The following BANF2 variants were observed in gnomAD, a reference collection of about 807,000 sequenced individuals.
BANF2 encodes barrier-to-autointegration factor-like protein.
BANF2 carries 4 observed loss-of-function variants against 8.0 expected under a neutral mutation model. The ratio of observed to expected loss-of-function variants is 0.50; its 90% CI spans 0.25 to 1.14. The LOEUF (loss-of-function observed/expected upper bound fraction) is 1.14, where lower values mean the gene tolerates loss of function less well. BANF2 is among the 50% of genes most tolerant of loss of function. BANF2 has a pLI of 0.16. For missense variants in BANF2, 96 were observed against 107.5 expected, an observed-to-expected ratio of 0.89 and a Z score of 0.47; for synonymous variants, 50 against 40.6, an observed-to-expected ratio of 1.23 and a Z score of -0.88.
At chr20:17,728,195 T>C (rs2037837941) in intron 3 of BANF2, among the ~76,000 whole-genome samples, 1 of 152,198 alleles carries the variant, frequency 6.6e-6, no homozygotes, top group African/African-American at 2.4e-5. Flanking sequence ...TCAGTTTCTT[T>C]GCTGTGCACA....
In BANF2 at chr20:17,719,808, C is replaced by T. The variant is rs556466719; in HGVS notation, c.-166-2908C>T. On this transcript the variant is annotated intron_variant, in intron 1 of 3. Transcript: ENST00000246090. ...ATTGATGGCTAATGAGGACATGATGCGCCTGGTGATTTGGGGGTAGACACT... is the reference window on the plus strand; with the variant it reads ...ATTGATGGCTAATGAGGACATGATGTGCCTGGTGATTTGGGGGTAGACACT... Among the ~76,000 whole-genome samples the T allele has an allele frequency of 3.0e-3, 456 of 152,088 alleles. 4 individuals carry two copies. Among genetic ancestry groups the T allele is most frequent in the Non-Finnish European group, 1.3e-3 (88 of 68,016 alleles).
intron 3 of BANF2, among the ~76,000 whole-genome samples, 196 bp downstream of exon 3, chr20:17,725,347 C>T (rs1464622824): frequency 6.6e-6 from 1 of 152,258 alleles, no homozygotes; most frequent in Non-Finnish European, 1.5e-5. Flanking sequence ...AGATGATGGG[C>T]ACATACACAT....
intron 3 of BANF2, among the ~76,000 whole-genome samples, chr20:17,728,238 G>A (rs1189346600): frequency 1.3e-5 from 2 of 152,090 alleles, no homozygotes; most frequent in Non-Finnish European, 1.5e-5. Flanking sequence ...TGCTTGTGAC[G>A]GCGTTCCTGG....
At chr20:17,702,557 G>C (rs1449187770) in intron 1 of BANF2, among the ~76,000 whole-genome samples, 1 of 152,202 alleles carries the variant, frequency 6.6e-6, no homozygotes, top group African/African-American at 2.4e-5. Context: ...TCTGCTGCCA[G>C]TTTCCATGGA....
chr20:17,730,463 C>T (rs939825447), intron 3 of BANF2, among the ~76,000 whole-genome samples: 1 of 151,920 alleles, frequency 6.6e-6, no homozygotes, highest in African/African-American at 2.4e-5. Flanking sequence ...TCCTTACCAG[C>T]GAGGCTTGCT....
intron 3 of BANF2, among the ~76,000 whole-genome samples, chr20:17,728,521 C>T (rs1055192021): frequency 6.6e-6 from 1 of 152,188 alleles, no homozygotes; most frequent in African/African-American, 2.4e-5. Flanking sequence ...GTACCTTCTC[C>T]TCCATTCCTC....
intron 3 of BANF2, among the ~76,000 whole-genome samples, chr20:17,727,757 T>C (rs1306505193): frequency 6.6e-6 from 1 of 152,116 alleles, no homozygotes. Flanking sequence ...TGGTTTTGTT[T>C]TTGTTTTGAG....
upstream of BANF2, among the ~76,000 whole-genome samples, chr20:17,696,693 C>G (rs2037348673): frequency 6.6e-6 from 1 of 152,102 alleles, no homozygotes; most frequent in Non-Finnish European, 1.5e-5. Flanking sequence ...ATGCAATGCT[C>G]TGGTACAGTA....
At position 17,703,740 on chromosome 20, in the gene BANF2, CTT is replaced by C. The variant is rs373982840; in HGVS notation, c.-167+3705_-167+3706del. On this transcript the variant is annotated intron_variant, in intron 1 of 3. Transcript: ENST00000246090. ...GGAGGTCTCAGGGCAAGTAGGCTGACTTTTTTTTTTTTTTTTTTTTTGACAGT... is the reference window on the plus strand; with the variant it reads ...GGAGGTCTCAGGGCAAGTAGGCTGACTTTTTTTTTTTTTTTTTTTGACAGT... 2.4e-3 allele frequency among the ~76,000 whole-genome samples: 289 copies of C among 122,554 alleles called. 1 individual carries two copies. The highest frequency in any genetic ancestry group is 8.7e-3 in the African/African-American group (267 of 30,580). 80.4% of individuals were successfully genotyped at this position (122,554 alleles called of 152,430 possible).
chr20:17,719,107 T>G (rs977493118), intron 1 of BANF2, among the ~76,000 whole-genome samples: 1 of 151,732 alleles, frequency 6.6e-6, no homozygotes, highest in African/African-American at 2.4e-5. Flanking sequence ...GGTGCATGGT[T>G]GTTGTTGTTG....
intron 1 of BANF2, among the ~76,000 whole-genome samples, chr20:17,715,044 G>A (rs1027388393): frequency 7.2e-5 from 11 of 152,256 alleles, no homozygotes; most frequent in Admixed American, 3.3e-4. Context: ...TGAATTTAAC[G>A]CTGATCTTAT....
intron 1 of BANF2, among the ~76,000 whole-genome samples, chr20:17,712,786 A>G (rs2037593919): frequency 6.6e-6 from 1 of 152,076 alleles, no homozygotes; most frequent in Admixed American, 6.6e-5. Context: ...TGCTGTACTC[A>G]TAAGGGGGTG....
intron 1 of BANF2, among the ~76,000 whole-genome samples, chr20:17,706,052 G>A (rs1035798176): frequency 6.6e-6 from 1 of 152,212 alleles, no homozygotes; most frequent in East Asian, 1.9e-4. Context: ...AACCACATGG[G>A]TCTGTACTTA....
intron 1 of BANF2, chr20:17,712,478 CA>C: frequency 2.1e-6 from 2 of 965,664 alleles, no homozygotes; most frequent in Non-Finnish European, 2.5e-6. Context: ...CACAGCCCGA[CA>C]ACCTTCCTGA....
intron 1 of BANF2, among the ~76,000 whole-genome samples, chr20:17,708,209 A>G (rs1568808741): frequency 6.6e-6 from 1 of 152,102 alleles, no homozygotes. Context: ...CCTGGGTGAC[A>G]AAGTGATATG....
At chr20:17,734,670 G>A (rs370464777) in intron 3 of BANF2, among the ~76,000 whole-genome samples, 62 of 152,318 alleles carry the variant, frequency 4.1e-4, no homozygotes, top group African/African-American at 1.4e-3. Context: ...TACTTGGGTC[G>A]GGGAGGGAGG....
chr20:17,726,135 C>A (rs2037806878), intron 3 of BANF2, among the ~76,000 whole-genome samples: 1 of 152,118 alleles, frequency 6.6e-6, no homozygotes, highest in African/African-American at 2.4e-5. Flanking sequence ...GAGGGAGAAC[C>A]ATTCTCTGGG....
chr20:17,719,712 G>A (rs1032100304), intron 1 of BANF2, among the ~76,000 whole-genome samples: 4 of 150,028 alleles, frequency 2.7e-5, no homozygotes, highest in Non-Finnish European at 4.4e-5. Context: ...AAGAGGAGCA[G>A]CTTGTTATTC....
chr20:17,705,752 G>C (rs1568807595), intron 1 of BANF2, among the ~76,000 whole-genome samples: 2 of 152,242 alleles, frequency 1.3e-5, no homozygotes, highest in South Asian at 4.1e-4. Context: ...ATTTGGGCAA[G>C]GTTATGCAAC....
Sources: allele counts gnomAD v4.1 joint callset (sites outside exome capture counted in the v4.1 genomes callset), GRCh38; gene constraint gnomAD v4.1.1; transcripts MANE v1.5; gene names NCBI Gene and HGNC (gene_info 2026-07-23, HGNC 2026-07-21).